The following PPARG variants were observed in gnomAD, a reference collection of about 807,000 sequenced individuals.
The protein encoded by PPARG is peroxisome proliferator-activated receptor gamma.
Under a neutral mutation model 39.2 loss-of-function variants are expected in PPARG, and 17 were observed. The observed-to-expected ratio is 0.43, with a 90% CI of 0.30 to 0.65. The LOEUF (loss-of-function observed/expected upper bound fraction) is 0.65, where lower values mean the gene tolerates loss of function less well. Among genes scored for constraint, PPARG ranks in the 30% least tolerant of loss-of-function variants. PPARG has a pLI of 0.13. For missense variants in PPARG, 406 were observed against 585.9 expected (o/e 0.69, Z 3.17); for synonymous variants, 223 against 215.7 (o/e 1.03, Z -0.30).
At chr3:12,310,708 CCGCCT>C (rs2047210138) in intron 1 of PPARG, among the ~76,000 whole-genome samples, 1 of 84,278 alleles carries the variant, frequency 1.2e-5, no homozygotes, top group African/African-American at 4.1e-5. Flanking sequence ...CGTGATCCGC[CCGCCT>C]CGGCCTCCCA....
chr3:12,382,434 G>C (rs147533380), intron 4 of PPARG, among the ~76,000 whole-genome samples: 1 of 152,106 alleles, frequency 6.6e-6, no homozygotes, highest in African/African-American at 2.4e-5. Flanking sequence ...GCATTGCACA[G>C]AATAAACTGT....
At chr3:12,306,559 G>A (rs530912868) in intron 1 of PPARG, among the ~76,000 whole-genome samples, 1 of 152,300 alleles carries the variant, frequency 6.6e-6, no homozygotes, top group East Asian at 1.9e-4. Context: ...TCCAGGGAAT[G>A]AGATGTCCAC....
intron 2 of PPARG, among the ~76,000 whole-genome samples, chr3:12,367,301 TC>T (rs1180392397): frequency 6.6e-6 from 1 of 152,222 alleles, no homozygotes; most frequent in Non-Finnish European, 1.5e-5. Flanking sequence ...AAGCAACTGT[TC>T]AACAGATTTA....
Position 12,392,706 on chromosome 3 carries a change from G to C in PPARG, c.483G>C (p.Gln161His). ...ACAAAAAAAGTAGAAATAAATGTCAGTACTGTCGGTTTCAGAAATGCCTTG... is the reference window on the plus strand; with the variant it reads ...ACAAAAAAAGTAGAAATAAATGTCACTACTGTCGGTTTCAGAAATGCCTTG... ...RIHKKSRNKC[Q>H]YCRFQKCLAV... is the part of the protein sequence containing the mutation. Residue 161 changes from glutamine to histidine, a missense_variant, in exon 5 of 8, where the codon CAG (glutamine) becomes CAC (histidine). Gln to His is a conservative substitution (Grantham distance 24). This residue lies in a region of PPARG where 275 missense variants were observed against 458.0 expected (regional missense o/e 0.60). Transcript: ENST00000651735. 1 of 1,613,878 alleles carries C rather than the reference G, an allele frequency of 6.2e-7. No homozygotes were observed. The highest frequency in any genetic ancestry group is 8.5e-7 in the Non-Finnish European group (1 of 1,179,850).
intron 4 of PPARG, among the ~76,000 whole-genome samples, chr3:12,390,128 G>T (rs190164209): frequency 1.8e-4 from 27 of 152,224 alleles, no homozygotes; most frequent in Non-Finnish European, 3.5e-4. Context: ...TACAAATCAA[G>T]ATTTAAATTC....
intron 2 of PPARG, among the ~76,000 whole-genome samples, chr3:12,349,281 C>G (rs925642229): frequency 6.6e-6 from 1 of 152,100 alleles, no homozygotes; most frequent in Non-Finnish European, 1.5e-5. Context: ...TATCTAAAGA[C>G]AAAACAGATA....
chr3:12,352,421 CTTTCT>C (rs2048517027), intron 2 of PPARG, among the ~76,000 whole-genome samples: 1 of 152,156 alleles, frequency 6.6e-6, no homozygotes, highest in Non-Finnish European at 1.5e-5. Flanking sequence ...TTCAATATTT[CTTTCT>C]TGGCCATTGC....
intron 1 of PPARG, among the ~76,000 whole-genome samples, chr3:12,296,254 CAAAA>C (rs545210244): frequency 2.5e-4 from 12 of 48,648 alleles, no homozygotes; most frequent in East Asian, 6.0e-4. Flanking sequence ...CACTTTGTCT[CAAAA>C]AAAAAAAAAA....
chr3:12,371,105 T>C (rs1333275520), intron 2 of PPARG, among the ~76,000 whole-genome samples: 5 of 152,160 alleles, frequency 3.3e-5, no homozygotes, highest in African/African-American at 7.2e-5. Flanking sequence ...TAATATTAAT[T>C]ATATTTATTG....
At position 12,399,561 on chromosome 3, in the gene PPARG, C is replaced by T. The variant is rs1426134329; in HGVS notation, c.530-6321C>T. Reference sequence around the variant, plus strand: ...AAGATCACACTACTGTGCTCCAGCCCAGGCAAGAGAATGAGACCCTGTCTC... The same window carrying T: ...AAGATCACACTACTGTGCTCCAGCCTAGGCAAGAGAATGAGACCCTGTCTC... On this transcript the variant is annotated intron_variant, in intron 5 of 7. Transcript: ENST00000651735. The T allele has an allele frequency of 2.4e-5, 5 of 208,030 alleles. No homozygotes were observed. The Admixed American group carries it at 3.1e-4, about 13-fold the overall frequency. The allele number at this position is 208,030 out of a possible 1,614,324, so 12.9% of individuals were successfully genotyped here. A position where few individuals can be genotyped will look rare whatever the true frequency, so the allele number is the denominator to read the frequency against.
intron 2 of PPARG, among the ~76,000 whole-genome samples, chr3:12,323,071 G>T (rs1392853141): frequency 6.6e-6 from 1 of 152,142 alleles, no homozygotes; most frequent in Non-Finnish European, 1.5e-5. Flanking sequence ...CTCCCAAAGT[G>T]TTGAGATTAT....
At chr3:12,427,599 G>T (rs1159279955) in intron 7 of PPARG, among the ~76,000 whole-genome samples, 1 of 152,138 alleles carries the variant, frequency 6.6e-6, no homozygotes, top group Non-Finnish European at 1.5e-5. Flanking sequence ...AAATGTCATT[G>T]TCTTGAAAAC....
At chr3:12,422,240 A>G (rs1297890969) in intron 7 of PPARG, among the ~76,000 whole-genome samples, 1 of 152,238 alleles carries the variant, frequency 6.6e-6, no homozygotes, top group Non-Finnish European at 1.5e-5. Flanking sequence ...AGTATGTGGG[A>G]GAATCTGTCC....
intron 2 of PPARG, among the ~76,000 whole-genome samples, chr3:12,371,533 C>A (rs763685450): frequency 1.6e-4 from 24 of 152,160 alleles, no homozygotes; most frequent in Non-Finnish European, 2.4e-4. Flanking sequence ...ATTTGCCATC[C>A]AGGAAATGGT....
At chr3:12,384,830 T>C (rs2049814239) in intron 4 of PPARG, among the ~76,000 whole-genome samples, 1 of 152,182 alleles carries the variant, frequency 6.6e-6, no homozygotes, top group African/African-American at 2.4e-5. Context: ...TGCTTATGTG[T>C]TCTTGTATAT....
At chr3:12,400,047 C>G (rs1302913695) in intron 5 of PPARG, among the ~76,000 whole-genome samples, 1 of 151,710 alleles carries the variant, frequency 6.6e-6, no homozygotes, top group Non-Finnish European at 1.5e-5. Context: ...AGCACATGTT[C>G]TTGTTTGTAT....
chr3:12,372,032 G>A (rs2049233939), intron 2 of PPARG: 1 of 717,666 alleles, frequency 1.4e-6, no homozygotes, highest in Non-Finnish European at 2.6e-6. Flanking sequence ...CAAATGAGAA[G>A]GGATTGAAAA....
At chr3:12,432,214 C>T (rs1315051045) in intron 7 of PPARG, among the ~76,000 whole-genome samples, 1 of 152,132 alleles carries the variant, frequency 6.6e-6, no homozygotes, top group African/African-American at 2.4e-5. Flanking sequence ...GTGTATAAGG[C>T]TAGTTAACAT....
At chr3:12,378,138 G>A (rs1398984468) in intron 2 of PPARG, among the ~76,000 whole-genome samples, 1 of 152,072 alleles carries the variant, frequency 6.6e-6, no homozygotes, top group Admixed American at 6.6e-5. Flanking sequence ...GCAAGGATGT[G>A]GATAAGAGGG....
Sources: allele counts gnomAD v4.1 joint callset (sites outside exome capture counted in the v4.1 genomes callset), GRCh38; gene constraint gnomAD v4.1.1; regional missense constraint gnomAD v4.1.1; transcripts MANE v1.5; gene names NCBI Gene and HGNC (gene_info 2026-07-23, HGNC 2026-07-21).